LCLAT1: variants seen among roughly 807,000 people sequenced by gnomAD.
LCLAT1 encodes 1-AGP acyltransferase 8.
A neutral mutation model predicts 30.7 loss-of-function variants in LCLAT1; 11 were observed. The observed-to-expected ratio is 0.36, with a 90% CI of 0.23 to 0.59. The LOEUF is 0.59. Ranked by LOEUF, LCLAT1 falls within the 20% of genes least tolerant of loss-of-function variation. The pLI, the probability that LCLAT1 is intolerant of heterozygous loss-of-function variation, is 0.77. For missense variants in LCLAT1, 402 were observed against 458.6 expected, an observed-to-expected ratio of 0.88 and a Z score of 1.13; for synonymous variants, 155 against 151.3, an observed-to-expected ratio of 1.02 and a Z score of -0.18.
At chr2:30,616,373 A>G (rs1225739582) in intron 5 of LCLAT1, among the ~76,000 whole-genome samples, 1 of 152,172 alleles carries the variant, frequency 6.6e-6, no homozygotes, top group Non-Finnish European at 1.5e-5. Context: ...TGAGTTTTAC[A>G]GGAGGAATTG....
chr2:30,563,050 A>G (rs1665314461), intron 4 of LCLAT1, among the ~76,000 whole-genome samples: 1 of 151,666 alleles, frequency 6.6e-6, no homozygotes. Flanking sequence ...CCTAAATATT[A>G]AACTTTTTTT....
chr2:30,490,063 G>C (rs1683764226), intron 1 of LCLAT1, among the ~76,000 whole-genome samples: 1 of 152,086 alleles, frequency 6.6e-6, no homozygotes, highest in Non-Finnish European at 1.5e-5. Context: ...TGGTGTGTAG[G>C]TACTGCTATT....
At chr2:30,464,269 A>T (rs1368358041) in intron 1 of LCLAT1, among the ~76,000 whole-genome samples, 1 of 151,992 alleles carries the variant, frequency 6.6e-6, no homozygotes, top group Non-Finnish European at 1.5e-5. Flanking sequence ...TAATTCTATA[A>T]TGTTTTCATA....
intron 5 of LCLAT1, among the ~76,000 whole-genome samples, chr2:30,599,250 G>A (rs929737146): frequency 6.6e-6 from 1 of 152,110 alleles, no homozygotes; most frequent in Non-Finnish European, 1.5e-5. Context: ...CTAAAGTGCT[G>A]GGATTCCGGA....
At chr2:30,537,178 G>A (rs567579518) in intron 3 of LCLAT1, among the ~76,000 whole-genome samples, 1 of 152,072 alleles carries the variant, frequency 6.6e-6, no homozygotes, top group Admixed American at 6.5e-5. Flanking sequence ...TCAGGAGATC[G>A]AGACCATCCT....
intron 1 of LCLAT1, among the ~76,000 whole-genome samples, chr2:30,477,237 A>G (rs1457888284): frequency 6.6e-6 from 1 of 152,140 alleles, no homozygotes; most frequent in East Asian, 1.9e-4. Flanking sequence ...TTTATCACCT[A>G]GACTAAATAG....
At chr2:30,623,363 T>G (rs997456611) in intron 5 of LCLAT1, among the ~76,000 whole-genome samples, 15 of 152,078 alleles carry the variant, frequency 9.9e-5, no homozygotes, top group African/African-American at 2.7e-4. Context: ...CCTAAGAAAT[T>G]TTTTAAATGT....
intron 1 of LCLAT1, among the ~76,000 whole-genome samples, chr2:30,461,523 G>C (rs1302570245): frequency 6.6e-6 from 1 of 152,016 alleles, no homozygotes; most frequent in Non-Finnish European, 1.5e-5. Context: ...AGCCTCCTGA[G>C]TGGCTGAGAC....
intron 1 of LCLAT1, among the ~76,000 whole-genome samples, chr2:30,478,076 A>G (rs1471022958): frequency 6.6e-6 from 1 of 151,764 alleles, no homozygotes; most frequent in Non-Finnish European, 1.5e-5. Context: ...GGATTAAAAA[A>G]AAAAAAAAAA....
intron 1 of LCLAT1, chr2:30,476,497 G>A (rs1454541337): frequency 2.2e-6 from 1 of 456,548 alleles, no homozygotes; most frequent in South Asian, 1.5e-5. Flanking sequence ...CTATAACTGT[G>A]CTTGCAGGGG....
chr2:30,514,220 T>TA (rs1178333693), intron 1 of LCLAT1, among the ~76,000 whole-genome samples: 3 of 152,248 alleles, frequency 2.0e-5, no homozygotes, highest in African/African-American at 4.8e-5. Context: ...GGTGAGAATG[T>TA]AAAGTGCCTA....
At chr2:30,632,320 G>T (rs572263554) in intron 5 of LCLAT1, among the ~76,000 whole-genome samples, 103 of 152,296 alleles carry the variant, frequency 6.8e-4, no homozygotes, top group African/African-American at 2.4e-3. Flanking sequence ...AATGATCCTA[G>T]AGCACAGATC....
intron 5 of LCLAT1, among the ~76,000 whole-genome samples, chr2:30,636,926 G>T (rs1669060295): frequency 6.6e-6 from 1 of 152,238 alleles, no homozygotes; most frequent in African/African-American, 2.4e-5. Flanking sequence ...ATGGGGAAAG[G>T]AGATCGGTCA....
chr2:30,612,897 C>A (rs1006192499), intron 5 of LCLAT1, among the ~76,000 whole-genome samples: 10 of 151,982 alleles, frequency 6.6e-5, no homozygotes, highest in African/African-American at 2.4e-4. Context: ...AGGAATACAC[C>A]AATGAATAAA....
intron 1 of LCLAT1, among the ~76,000 whole-genome samples, chr2:30,456,206 A>G (rs1038130174): frequency 6.6e-6 from 1 of 152,194 alleles, no homozygotes; most frequent in African/African-American, 2.4e-5. Context: ...TGGGAGTGTC[A>G]GCCCCTCTTT....
intron 1 of LCLAT1, among the ~76,000 whole-genome samples, chr2:30,484,315 A>AT (rs1683463665): frequency 1.3e-5 from 2 of 152,188 alleles, no homozygotes; most frequent in African/African-American, 4.8e-5. Context: ...TAAAAATATT[A>AT]TAAGTATTGA....
chr2:30,489,574 G>T (rs185065657), intron 1 of LCLAT1, among the ~76,000 whole-genome samples: 1 of 152,228 alleles, frequency 6.6e-6, no homozygotes. Context: ...GGATGGTCTC[G>T]ATCTCCTGAC....
rs528865444 is a variant in LCLAT1 at position 30,638,745 on chromosome 2, CA to C, written c.629-1369del. ...TCTACTTGGTACCCTGAGCCAAAAA[CA>C]AACCTGGATTGACTCCTCCCTGCTC... On this transcript the variant is annotated intron_variant, in intron 5 of 5. Coordinates refer to ENST00000379509, the MANE Select transcript of LCLAT1 (RefSeq NM_001002257.3). 1.3e-4 allele frequency among the ~76,000 whole-genome samples: 15 copies of C among 113,788 alleles called. 1 individual carries two copies. The South Asian group carries it at 3.6e-3, about 27-fold the overall frequency. The allele number at this position is 113,788 out of a possible 152,430, so 74.6% of individuals were successfully genotyped here.
intron 5 of LCLAT1, among the ~76,000 whole-genome samples, chr2:30,620,327 G>C (rs1668181817): frequency 6.6e-6 from 1 of 152,200 alleles, no homozygotes; most frequent in Non-Finnish European, 1.5e-5. Flanking sequence ...AACTAAGGGA[G>C]AGTCTTTGGG....
Sources: allele counts gnomAD v4.1 joint callset (sites outside exome capture counted in the v4.1 genomes callset), GRCh38; gene constraint gnomAD v4.1.1; transcripts MANE v1.5; gene names NCBI Gene and HGNC (gene_info 2026-07-23, HGNC 2026-07-21).